The following GATB variants were observed in gnomAD, a reference collection of about 807,000 sequenced individuals.
GATB encodes the protein glutamyl-tRNA(Gln) amidotransferase subunit B, mitochondrial.
A neutral mutation model predicts 62.3 loss-of-function variants in GATB; 39 were observed. The observed-to-expected ratio is 0.63, with a 90% confidence interval of 0.48 to 0.82. The LOEUF (loss-of-function observed/expected upper bound fraction) is 0.82. GATB is among the 40% of genes least tolerant of loss of function. GATB has a pLI of 0.00. For missense variants in GATB, 670 were observed against 684.0 expected (o/e 0.98, Z 0.23); for synonymous variants, 276 against 258.9 (o/e 1.07, Z -0.63).
At chr4:151,733,547 T>C (rs1739310183) in intron 2 of GATB, among the ~76,000 whole-genome samples, 2 of 152,218 alleles carry the variant, frequency 1.3e-5, no homozygotes, top group South Asian at 2.1e-4. Context: ...ATTCAAAGAA[T>C]TGGTATCAAT....
rs1263367981 is a variant in GATB, at chr4:151,670,737, C to T, written c.*437G>A. 6.4e-6 allele frequency: 1 copy of T among 155,446 alleles called. No homozygotes were observed. Among genetic ancestry groups the T allele is most frequent in the African/African-American group, 2.4e-5 (1 of 41,560 alleles). 9.6% of individuals were successfully genotyped at this position (155,446 alleles called of 1,614,324 possible). A position where few individuals can be genotyped will look rare whatever the true frequency, so the allele number is the denominator to read the frequency against. The stretch of plus-strand genomic sequence containing the variant: ...GTCTGAAAACAATACATCCAAATTA[C>T]AGTCTCTCTTGACCACTGCTAATGC... On this transcript the variant is annotated 3_prime_UTR_variant, in exon 13 of 13. Transcript: ENST00000263985.
chr4:151,734,350 CAAA>C (rs201480862), intron 2 of GATB, among the ~76,000 whole-genome samples: 5 of 132,572 alleles, frequency 3.8e-5, no homozygotes, highest in African/African-American at 5.3e-5. Context: ...AAATAGCTGC[CAAA>C]AAAAAAAAAA....
At chr4:151,715,260 GGAA>G (rs1392626308) in intron 5 of GATB, among the ~76,000 whole-genome samples, 8 of 152,136 alleles carry the variant, frequency 5.3e-5, no homozygotes. Flanking sequence ...CTCTGAGGGT[GGAA>G]GAAGTTTTCA....
At chr4:151,746,548 A>G (rs543050169) in intron 2 of GATB, among the ~76,000 whole-genome samples, 1 of 152,318 alleles carries the variant, frequency 6.6e-6, no homozygotes, top group East Asian at 1.9e-4. Context: ...GGTCCAAATA[A>G]TGAGTGAAGC....
intron 3 of GATB, among the ~76,000 whole-genome samples, chr4:151,718,892 C>T (rs1157498864): frequency 6.7e-6 from 1 of 148,436 alleles, no homozygotes; most frequent in Non-Finnish European, 1.5e-5. Flanking sequence ...AGCCAAGTAA[C>T]TGGACCAACA....
chr4:151,734,307 T>C (rs888060952), intron 2 of GATB, among the ~76,000 whole-genome samples: 1 of 147,022 alleles, frequency 6.8e-6, no homozygotes, highest in Non-Finnish European at 1.5e-5. Flanking sequence ...AGTGACCAAA[T>C]GGAGAACCAA....
intron 2 of GATB, among the ~76,000 whole-genome samples, chr4:151,757,836 T>C (rs552098010): frequency 6.6e-6 from 1 of 152,298 alleles, no homozygotes; most frequent in East Asian, 1.9e-4. Flanking sequence ...CATGACAATG[T>C]CTGCCTCTCC....
intron 2 of GATB, among the ~76,000 whole-genome samples, chr4:151,747,371 A>G (rs1029741296): frequency 3.9e-5 from 6 of 152,228 alleles, no homozygotes; most frequent in Admixed American, 3.3e-4. Flanking sequence ...TTCAGGCCAT[A>G]GGTGAAAAAG....
intron 2 of GATB, among the ~76,000 whole-genome samples, chr4:151,738,115 G>A (rs1739414144): frequency 6.6e-6 from 1 of 152,150 alleles, no homozygotes; most frequent in South Asian, 2.1e-4. Context: ...TGCACTGTGT[G>A]CCTGGAAAAG....
chr4:151,705,337 G>C, intron 6 of GATB, 68 bp from the exon 7 acceptor site: 1 of 919,906 alleles, frequency 1.1e-6, no homozygotes, highest in Non-Finnish European at 1.7e-6. Flanking sequence ...GCAATAATTA[G>C]AAACAACCTT....
intron 2 of GATB, among the ~76,000 whole-genome samples, chr4:151,752,315 C>A (rs1280082986): frequency 2.6e-5 from 4 of 152,166 alleles, no homozygotes; most frequent in Non-Finnish European, 5.9e-5. Context: ...GGGTAGTTGG[C>A]AGGCCCTTTC....
intron 1 of GATB, 45 bp downstream of exon 1, chr4:151,760,762 T>C (rs777709741): frequency 2.7e-6 from 4 of 1,502,588 alleles, no homozygotes; most frequent in African/African-American, 1.4e-5. Flanking sequence ...AGTCCTGCAG[T>C]TCCACCTCAC....
At chr4:151,748,067 T>C (rs980206656) in intron 2 of GATB, among the ~76,000 whole-genome samples, 1 of 152,134 alleles carries the variant, frequency 6.6e-6, no homozygotes, top group South Asian at 2.1e-4. Context: ...AGAATCAATA[T>C]TGTGAAAATG....
At chr4:151,688,879 T>C in intron 9 of GATB, 116 bp from the exon 10 acceptor site, 2 of 952,164 alleles carry the variant, frequency 2.1e-6, no homozygotes, top group Non-Finnish European at 3.1e-6. Flanking sequence ...CCACTTTTTC[T>C]TTGCTAAACC....
chr4:151,744,486 C>T (rs1578937804), intron 2 of GATB, among the ~76,000 whole-genome samples: 1 of 152,104 alleles, frequency 6.6e-6, no homozygotes, highest in South Asian at 2.1e-4. Flanking sequence ...GGCATGGTGG[C>T]TCATGCCTAT....
chr4:151,689,878 C>T (rs1738328639), intron 9 of GATB, among the ~76,000 whole-genome samples: 1 of 152,022 alleles, frequency 6.6e-6, no homozygotes. Context: ...TTGACACAAT[C>T]AAGAAATTTA....
intron 11 of GATB, among the ~76,000 whole-genome samples, chr4:151,679,442 AGGCGGTGTGGG>A (rs1194438224): frequency 6.6e-6 from 1 of 152,050 alleles, no homozygotes; most frequent in Non-Finnish European, 1.5e-5. Flanking sequence ...ACTGGCTGGG[AGGCGGTGTGGG>A]GGCGGGACAA....
At chr4:151,742,127 C>T (rs1393662986) in intron 2 of GATB, among the ~76,000 whole-genome samples, 5 of 138,090 alleles carry the variant, frequency 3.6e-5, no homozygotes, top group South Asian at 4.6e-4. Context: ...CTTGCTCTTT[C>T]GCCCAGGCCG....
At position 151,671,108 on chromosome 4, in the gene GATB, G is replaced by A. The variant is rs910455197; in HGVS notation, c.*66C>T. 6.3e-7 allele frequency: 1 copy of A among 1,586,760 alleles called. No individual in the cohort carries two copies. The highest frequency in any genetic ancestry group is 1.3e-5 in the African/African-American group (1 of 74,352). ...GGGCACATGGGCATCAGCTTTCACA[G>A]GATCCTGTTCCCAGTCAGGCTGCAC... On this transcript the variant is annotated 3_prime_UTR_variant, in exon 13 of 13. Coordinates refer to ENST00000263985, the MANE Select transcript of GATB (RefSeq NM_004564.3).
Sources: allele counts gnomAD v4.1 joint callset (sites outside exome capture counted in the v4.1 genomes callset), GRCh38; gene constraint gnomAD v4.1.1; transcripts MANE v1.5; gene names NCBI Gene and HGNC (gene_info 2026-07-23, HGNC 2026-07-21).